The following MAD1L1 variants were observed in gnomAD, a reference collection of about 807,000 sequenced individuals.
The protein encoded by MAD1L1 is mitotic spindle assembly checkpoint protein MAD1.
MAD1L1 carries 95 observed loss-of-function variants against 96.9 expected under a neutral mutation model. That is an observed-to-expected ratio of 0.98 (90% CI 0.83 to 1.16). The LOEUF (loss-of-function observed/expected upper bound fraction) is 1.16. MAD1L1 is among the 50% of genes most tolerant of loss of function. The pLI, the probability that MAD1L1 is intolerant of heterozygous loss-of-function variation, is 0.00. For synonymous variants in MAD1L1, 473 were observed against 396.6 expected, an observed-to-expected ratio of 1.19 and a Z score of -2.29; for missense variants, 1,007 against 954.4, an observed-to-expected ratio of 1.06 and a Z score of -0.73.
At chr7:2,104,646 A>C (rs1341453915) in intron 11 of MAD1L1, among the ~76,000 whole-genome samples, 2 of 151,800 alleles carry the variant, frequency 1.3e-5, no homozygotes, top group Non-Finnish European at 2.9e-5. Context: ...ACCTGAAAAC[A>C]TAACTGTTTT....
chr7:2,090,864 G>C (rs1002702133), intron 11 of MAD1L1, among the ~76,000 whole-genome samples: 1 of 152,204 alleles, frequency 6.6e-6, no homozygotes, highest in Non-Finnish European at 1.5e-5. Context: ...TTTGGAAGGA[G>C]GTCACGGAGC....
chr7:1,822,495 G>A (rs992460119), intron 18 of MAD1L1, among the ~76,000 whole-genome samples: 9 of 148,812 alleles, frequency 6.0e-5, no homozygotes, highest in African/African-American at 2.2e-4. Flanking sequence ...AGGCTGGAGT[G>A]CAGTGGTGTG....
At chr7:1,936,957 C>T in intron 16 of MAD1L1, 60 bp from the exon 17 acceptor site, 1 of 1,368,292 alleles carries the variant, frequency 7.3e-7, no homozygotes, top group Non-Finnish European at 1.0e-6. Context: ...GCACGGGTCA[C>T]ACACAGCATG....
chr7:1,842,870 CG>C (rs1432464587), intron 18 of MAD1L1, among the ~76,000 whole-genome samples: 1 of 152,260 alleles, frequency 6.6e-6, no homozygotes, highest in Non-Finnish European at 1.5e-5. Context: ...GCTCAGCACA[CG>C]GGCTGCCTTG....
At chr7:2,118,064 A>G (rs1584365484) in intron 11 of MAD1L1, among the ~76,000 whole-genome samples, 1 of 152,280 alleles carries the variant, frequency 6.6e-6, no homozygotes, top group African/African-American at 2.4e-5. Flanking sequence ...CTGCCCTAGG[A>G]GGCTCCAGCC....
intron 14 of MAD1L1, among the ~76,000 whole-genome samples, chr7:2,000,846 C>G (rs1349264407): frequency 6.6e-6 from 1 of 152,186 alleles, no homozygotes; most frequent in Non-Finnish European, 1.5e-5. Flanking sequence ...CAGCTCTGCC[C>G]AGACCCGCGC....
Position 2,103,028 on chromosome 7 carries a change from A to G in MAD1L1, c.1074-33690T>C, listed in dbSNP as rs1786895815. Reference sequence around the variant, plus strand: ...CAACTCAGAGGAGGCAGCCTCCGTGATGCTGCCAACACCTGGGTCAGCGCT... The same window carrying G: ...CAACTCAGAGGAGGCAGCCTCCGTGGTGCTGCCAACACCTGGGTCAGCGCT... On this transcript the variant is annotated intron_variant, in intron 11 of 18. Coordinates refer to ENST00000265854, the MANE Select transcript of MAD1L1 (RefSeq NM_001013836.2). The surrounding 1 kb of genome is among the most constrained non-coding windows in gnomAD (Gnocchi z 4.3). Among the ~76,000 whole-genome samples, 1 of 152,190 alleles carries G rather than the reference A, an allele frequency of 6.6e-6. No individual in the cohort carries two copies. Among genetic ancestry groups the G allele is most frequent in the Non-Finnish European group, 1.5e-5 (1 of 68,028 alleles).
intron 14 of MAD1L1, among the ~76,000 whole-genome samples, chr7:1,999,552 TGCGGG>T (rs1781698989): frequency 6.6e-6 from 1 of 152,176 alleles, no homozygotes; most frequent in South Asian, 2.1e-4. Context: ...TCAGCGGGAC[TGCGGG>T]GACCCTCACA....
At chr7:1,885,584 C>T (rs1282990356) in intron 18 of MAD1L1, among the ~76,000 whole-genome samples, 2 of 152,180 alleles carry the variant, frequency 1.3e-5, no homozygotes, top group Non-Finnish European at 2.9e-5. Flanking sequence ...CTCCTGCTTC[C>T]TGAGTGGCCC....
intron 16 of MAD1L1, among the ~76,000 whole-genome samples, chr7:1,953,853 G>A (rs7784021): frequency 0.012 from 1,846 of 152,330 alleles, 28 homozygotes; most frequent in African/African-American, 0.042. Flanking sequence ...ACGGGGCACA[G>A]GTGCCGGCCC....
intron 11 of MAD1L1, among the ~76,000 whole-genome samples, chr7:2,084,653 C>T (rs928984331): frequency 2.0e-5 from 3 of 152,236 alleles, no homozygotes; most frequent in Non-Finnish European, 4.4e-5. Flanking sequence ...TGTCACCTAC[C>T]GCCAGCTTGA....
intron 18 of MAD1L1, among the ~76,000 whole-genome samples, chr7:1,897,660 T>C (rs73288768): frequency 0.057 from 8,750 of 152,308 alleles, 588 homozygotes; most frequent in African/African-American, 0.16. Flanking sequence ...GGACCCAGTC[T>C]GGCTTCACCA....
rs371280782 is a variant in MAD1L1 at position 2,076,517 on chromosome 7, A to C, written c.1074-7179T>G. Among the ~76,000 whole-genome samples, 4 of 152,202 alleles carry C rather than the reference A, an allele frequency of 2.6e-5. No individual in the cohort carries two copies. In the South Asian group the frequency reaches 6.2e-4, roughly 24 times the overall value. ...AGATCCCCGACTATGGTACTTTGTT[A>C]AGTGAGCCCGAACACAGACGGTCTC... On this transcript the variant is annotated intron_variant, in intron 11 of 18. Coordinates refer to ENST00000265854, the MANE Select transcript of MAD1L1 (RefSeq NM_001013836.2).
intron 18 of MAD1L1, chr7:1,829,396 G>A (rs1228256368): frequency 1.3e-5 from 2 of 152,298 alleles, no homozygotes; most frequent in Admixed American, 1.3e-4. Context: ...GCTGCCATAG[G>A]ACCAAGCGCG....
chr7:2,183,225 A>G (rs1306219140), intron 10 of MAD1L1, among the ~76,000 whole-genome samples: 1 of 152,086 alleles, frequency 6.6e-6, no homozygotes, highest in Non-Finnish European at 1.5e-5. Flanking sequence ...AAAAAAAAAA[A>G]AGAACAACAG....
At chr7:2,093,803 G>A (rs1261627205) in intron 11 of MAD1L1, among the ~76,000 whole-genome samples, 1 of 152,206 alleles carries the variant, frequency 6.6e-6, no homozygotes, top group Non-Finnish European at 1.5e-5. Context: ...GAGGAGCACG[G>A]AACGCGGAAC....
intron 16 of MAD1L1, among the ~76,000 whole-genome samples, chr7:1,947,478 G>A (rs1046508897): frequency 6.6e-6 from 1 of 152,270 alleles, no homozygotes; most frequent in Non-Finnish European, 1.5e-5. Context: ...AATGGCTCAC[G>A]GAGGAGAGCG....
In MAD1L1 at chr7:1,968,422, C is replaced by T. The variant is rs977895025; in HGVS notation, c.1506-10703G>A. 2.0e-5 allele frequency among the ~76,000 whole-genome samples: 3 copies of T among 150,600 alleles called. No individual in the cohort carries two copies. The highest frequency in any genetic ancestry group is 4.4e-5 in the Non-Finnish European group (3 of 67,822). On this transcript the variant is annotated intron_variant, in intron 15 of 18. Coordinates refer to ENST00000265854, the MANE Select transcript of MAD1L1 (RefSeq NM_001013836.2). This position sits in a 1 kb window ranked among gnomAD's most constrained non-coding sequence, Gnocchi z 5.6. ...GTCCACTGTCCATGCCTCAGTCCGG[C>T]GATCAGGTCCACCGTCAACGCCAGC... is the stretch of plus-strand genomic sequence containing the variant.
At chr7:1,956,835 T>C (rs1292880697) in intron 16 of MAD1L1, among the ~76,000 whole-genome samples, 2 of 152,000 alleles carry the variant, frequency 1.3e-5, no homozygotes, top group Non-Finnish European at 1.5e-5. Context: ...CTCAACAAGC[T>C]CCAAGGGCCG....
Sources: allele counts gnomAD v4.1 joint callset (sites outside exome capture counted in the v4.1 genomes callset), GRCh38; gene constraint gnomAD v4.1.1; non-coding constraint Gnocchi (gnomAD v3.1); transcripts MANE v1.5; gene names NCBI Gene and HGNC (gene_info 2026-07-23, HGNC 2026-07-21).